SGCZ: variants seen among roughly 807,000 people sequenced by gnomAD.
SGCZ encodes the protein sarcoglycan zeta, also known as zeta-sarcoglycan.
A neutral mutation model predicts 41.3 loss-of-function variants in SGCZ; 40 were observed. That is an observed-to-expected ratio of 0.97 (90% CI 0.75 to 1.26). The LOEUF (loss-of-function observed/expected upper bound fraction) is 1.26, where lower values mean the gene tolerates loss of function less well. Among genes scored for constraint, SGCZ ranks in the 50% most tolerant of loss-of-function variants. The pLI, the probability that SGCZ is intolerant of heterozygous loss-of-function variation, is 0.00. For missense variants in SGCZ, 552 were observed against 369.8 expected (o/e 1.49, Z -4.04); for synonymous variants, 206 against 137.5 (o/e 1.50, Z -3.49).
At chr8:14,612,906 G>T (rs941107999) in intron 1 of SGCZ, among the ~76,000 whole-genome samples, 1 of 152,058 alleles carries the variant, frequency 6.6e-6, no homozygotes, top group African/African-American at 2.4e-5. Context: ...GGGTAGCCTC[G>T]AACTCCTGAG....
intron 2 of SGCZ, among the ~76,000 whole-genome samples, chr8:14,440,772 T>C (rs1055880304): frequency 4.1e-5 from 6 of 146,592 alleles, no homozygotes; most frequent in Admixed American, 3.4e-4. Context: ...TATGTATATA[T>C]GTATATACAT....
At chr8:14,728,345 GA>G (rs77008940) in intron 1 of SGCZ, among the ~76,000 whole-genome samples, 2,757 of 62,466 alleles carry the variant, frequency 0.044, 51 homozygotes, top group African/African-American at 0.11. Context: ...TCTCAAAATA[GA>G]AAAAAAAAAA....
chr8:15,045,503 T>C (rs1247970250), intron 1 of SGCZ, among the ~76,000 whole-genome samples: 1 of 152,086 alleles, frequency 6.6e-6, no homozygotes, highest in African/African-American at 2.4e-5. Flanking sequence ...TTCCTTGGGG[T>C]TGAGCCACAG....
At chr8:15,216,358 T>A (rs1801402632) in intron 1 of SGCZ, among the ~76,000 whole-genome samples, 1 of 151,772 alleles carries the variant, frequency 6.6e-6, no homozygotes, top group African/African-American at 2.4e-5. Flanking sequence ...TAGCTGGGAC[T>A]ACAGGCACGC....
rs562569101 is a variant in SGCZ, at chr8:15,232,201, T to A, written c.39+5384A>T. On this transcript the variant is annotated intron_variant, in intron 1 of 7. Transcript: ENST00000382080. ...TTTTAGCTGAAATTCTGAGACAGCATAAGAAACAGCGCACTAAATATTACA... is the reference window on the plus strand; with the variant it reads ...TTTTAGCTGAAATTCTGAGACAGCAAAAGAAACAGCGCACTAAATATTACA... Among the ~76,000 whole-genome samples the A allele has an allele frequency of 4.6e-5, 7 of 152,346 alleles. No homozygotes were observed. The South Asian group carries it at 1.4e-3, about 32-fold the overall frequency.
At chr8:15,163,773 T>C (rs1160583055) in intron 1 of SGCZ, among the ~76,000 whole-genome samples, 1 of 152,226 alleles carries the variant, frequency 6.6e-6, no homozygotes, top group Non-Finnish European at 1.5e-5. Context: ...ATAAGTAAAA[T>C]ATGACAAGCA....
intron 1 of SGCZ, among the ~76,000 whole-genome samples, chr8:14,991,516 C>A (rs539998472): frequency 2.0e-5 from 3 of 152,138 alleles, no homozygotes; most frequent in Non-Finnish European, 4.4e-5. Context: ...CCCAGCTCAA[C>A]TTTCATGTCA....
intron 2 of SGCZ, among the ~76,000 whole-genome samples, chr8:14,455,223 TCAGA>T (rs889979308): frequency 1.3e-5 from 2 of 152,074 alleles, no homozygotes; most frequent in South Asian, 2.1e-4. Flanking sequence ...CCAAACATGA[TCAGA>T]CAATTTATAA....
intron 2 of SGCZ, among the ~76,000 whole-genome samples, chr8:14,516,298 C>T (rs944785296): frequency 5.9e-5 from 9 of 151,948 alleles, no homozygotes; most frequent in Admixed American, 1.3e-4. Context: ...CTTCCTCCTC[C>T]CACCCTCCAC....
rs56831328 is a variant in SGCZ at position 14,637,826 on chromosome 8, G to A, written c.40-82900C>T. The stretch of plus-strand genomic sequence containing the variant: ...GGTGGAACAATTTATGTTTCTTTGA[G>A]TATATATCCAGTAATGAAATTGCTT... On this transcript the variant is annotated intron_variant, in intron 1 of 7. Transcript: ENST00000382080. Among the ~76,000 whole-genome samples, 1,016 of 151,922 alleles carry A rather than the reference G, an allele frequency of 6.7e-3. 37 individuals are homozygous for A. The East Asian group carries it at 0.08, about 12-fold the overall frequency.
chr8:15,128,438 G>A (rs764229916), intron 1 of SGCZ, among the ~76,000 whole-genome samples: 22 of 152,200 alleles, frequency 1.4e-4, no homozygotes, highest in Non-Finnish European at 2.6e-4. Context: ...TTATGCAGAC[G>A]TTTTGCAGGC....
chr8:15,036,987 G>C (rs1386420902), intron 1 of SGCZ, among the ~76,000 whole-genome samples: 2 of 152,100 alleles, frequency 1.3e-5, no homozygotes, highest in Non-Finnish European at 2.9e-5. Context: ...ATGATGAAGA[G>C]AAACTATAAG....
intron 1 of SGCZ, among the ~76,000 whole-genome samples, chr8:14,741,672 T>C (rs1799202564): frequency 6.6e-6 from 1 of 152,074 alleles, no homozygotes; most frequent in Non-Finnish European, 1.5e-5. Flanking sequence ...CTAGCACAAT[T>C]AATGCAAAAA....
At chr8:14,571,178 G>T (rs980362484) in intron 1 of SGCZ, among the ~76,000 whole-genome samples, 2 of 152,122 alleles carry the variant, frequency 1.3e-5, no homozygotes, top group African/African-American at 4.8e-5. Context: ...GCGGGAAAGG[G>T]AGATAGCAGG....
intron 1 of SGCZ, among the ~76,000 whole-genome samples, chr8:14,733,237 G>A (rs1472344489): frequency 6.6e-6 from 1 of 152,160 alleles, no homozygotes; most frequent in Non-Finnish European, 1.5e-5. Context: ...GGCAGCTGCA[G>A]ATCCCACCAA....
chr8:14,090,918 A>C (rs552840382), intron 7 of SGCZ, among the ~76,000 whole-genome samples: 4 of 152,148 alleles, frequency 2.6e-5, no homozygotes, highest in South Asian at 4.1e-4. Context: ...AGTTACTTAA[A>C]CACCACAGAA....
chr8:15,219,393 A>G (rs1801516866), intron 1 of SGCZ, among the ~76,000 whole-genome samples: 1 of 152,304 alleles, frequency 6.6e-6, no homozygotes, highest in African/African-American at 2.4e-5. Flanking sequence ...TTGATGTATA[A>G]GATATATCAA....
intron 1 of SGCZ, among the ~76,000 whole-genome samples, chr8:14,978,130 T>A (rs1801541036): frequency 6.6e-6 from 1 of 152,102 alleles, no homozygotes; most frequent in Non-Finnish European, 1.5e-5. Context: ...CTTTGCATTT[T>A]TATGTTAGTT....
chr8:14,353,144 G>A (rs937068544), intron 2 of SGCZ, among the ~76,000 whole-genome samples: 5 of 151,220 alleles, frequency 3.3e-5, no homozygotes, highest in African/African-American at 9.8e-5. Flanking sequence ...ACTTCTCTGT[G>A]ACTAAGTTTC....
Sources: allele counts gnomAD v4.1 joint callset (sites outside exome capture counted in the v4.1 genomes callset), GRCh38; gene constraint gnomAD v4.1.1; transcripts MANE v1.5; gene names NCBI Gene and HGNC (gene_info 2026-07-23, HGNC 2026-07-21).